CNTNAP2: variants seen among roughly 807,000 people sequenced by gnomAD.
The protein encoded by CNTNAP2 is contactin-associated protein-like 2.
In CNTNAP2, 98 loss-of-function variants were observed where a neutral mutation model predicts 155.2. The ratio of observed to expected loss-of-function variants is 0.63; its 90% CI spans 0.54 to 0.75. CNTNAP2 has a LOEUF of 0.75. CNTNAP2 is among the 30% of genes least tolerant of loss of function. The probability of loss-of-function intolerance (pLI) is 0.00; values close to 1 mark genes in which losing one functional copy is unlikely to be tolerated. For synonymous variants in CNTNAP2, 651 were observed against 631.2 expected, an observed-to-expected ratio of 1.03 and a Z score of -0.47; for missense variants, 1,727 against 1,688.1, an observed-to-expected ratio of 1.02 and a Z score of -0.40.
intron 9 of CNTNAP2, among the ~76,000 whole-genome samples, chr7:147,305,141 C>T (rs1385248532): frequency 6.6e-6 from 1 of 152,134 alleles, no homozygotes; most frequent in African/African-American, 2.4e-5. Flanking sequence ...GGGACACAAA[C>T]ATATAGTCTA....
At chr7:147,703,207 C>A (rs1244112768) in intron 13 of CNTNAP2, among the ~76,000 whole-genome samples, 1 of 152,062 alleles carries the variant, frequency 6.6e-6, no homozygotes, top group East Asian at 1.9e-4. Context: ...TCTTAATTCC[C>A]AGATCACTCT....
intron 13 of CNTNAP2, among the ~76,000 whole-genome samples, chr7:147,878,453 G>T (rs900384938): frequency 7.3e-5 from 10 of 136,576 alleles, no homozygotes; most frequent in Non-Finnish European, 9.4e-5. Context: ...CTTTTTTTTT[G>T]AGATGTCTTT....
At chr7:146,790,718 C>T (rs983895140) in intron 2 of CNTNAP2, among the ~76,000 whole-genome samples, 1 of 151,992 alleles carries the variant, frequency 6.6e-6, no homozygotes, top group Admixed American at 6.6e-5. Context: ...TACAGGCTCC[C>T]GCCACCACGC....
chr7:146,788,350 A>G (rs1221817701), intron 2 of CNTNAP2, among the ~76,000 whole-genome samples: 1 of 152,216 alleles, frequency 6.6e-6, no homozygotes, highest in Admixed American at 6.5e-5. Flanking sequence ...CTGCTAGCAC[A>G]TTGTCATTTC....
At chr7:147,678,048 T>C (rs953437663) in intron 13 of CNTNAP2, among the ~76,000 whole-genome samples, 2 of 151,856 alleles carry the variant, frequency 1.3e-5, no homozygotes, top group Non-Finnish European at 2.9e-5. Flanking sequence ...AATGCATATA[T>C]AATTATATGT....
intron 3 of CNTNAP2, among the ~76,000 whole-genome samples, chr7:147,028,705 A>T (rs1487043063): frequency 6.6e-6 from 1 of 152,206 alleles, no homozygotes; most frequent in Non-Finnish European, 1.5e-5. Context: ...TTATGCATAA[A>T]GCTACCAGGC....
At chr7:147,110,579 T>C (rs1232649353) in intron 5 of CNTNAP2, among the ~76,000 whole-genome samples, 1 of 152,172 alleles carries the variant, frequency 6.6e-6, no homozygotes, top group Non-Finnish European at 1.5e-5. Context: ...TATGTGTCCA[T>C]ATGTTCTCAT....
At chr7:148,294,694 G>A (rs551856938) in intron 21 of CNTNAP2, among the ~76,000 whole-genome samples, 3 of 152,186 alleles carry the variant, frequency 2.0e-5, no homozygotes, top group Admixed American at 2.0e-4. Flanking sequence ...CATTAAAGCA[G>A]CTAACTTCTC....
intron 3 of CNTNAP2, among the ~76,000 whole-genome samples, chr7:146,982,834 CAATTGA>C (rs2129237111): frequency 6.6e-6 from 1 of 152,168 alleles, no homozygotes; most frequent in Non-Finnish European, 1.5e-5. Flanking sequence ...GGATTAACAG[CAATTGA>C]AAATAAATGC....
chr7:147,229,039 CTT>C (rs1472761149), intron 8 of CNTNAP2, among the ~76,000 whole-genome samples: 2 of 137,868 alleles, frequency 1.5e-5, no homozygotes, highest in African/African-American at 5.4e-5. Context: ...GCCACATTTT[CTT>C]TATATATATA....
chr7:147,485,124 C>T (rs1798488306), intron 10 of CNTNAP2, among the ~76,000 whole-genome samples: 1 of 152,134 alleles, frequency 6.6e-6, no homozygotes, highest in Non-Finnish European at 1.5e-5. Flanking sequence ...TAAAGCTGTG[C>T]CCTGGAGGCT....
chr7:147,062,684 T>G (rs1799705778), intron 4 of CNTNAP2, among the ~76,000 whole-genome samples: 1 of 152,170 alleles, frequency 6.6e-6, no homozygotes, highest in African/African-American at 2.4e-5. Context: ...TAAGGATTTA[T>G]ACATATTAGC....
chr7:147,056,988 G>A (rs138496584), intron 4 of CNTNAP2, among the ~76,000 whole-genome samples: 224 of 150,242 alleles, frequency 1.5e-3, no homozygotes, highest in African/African-American at 5.2e-3. Flanking sequence ...TTTTTGGTTT[G>A]TTTGTTTGTT....
At chr7:146,275,505 G>C (rs1021028881) in intron 1 of CNTNAP2, among the ~76,000 whole-genome samples, 3 of 152,178 alleles carry the variant, frequency 2.0e-5, no homozygotes, top group African/African-American at 7.2e-5. Context: ...TGTATAAGAA[G>C]TTTGCTTCAG....
intron 1 of CNTNAP2, among the ~76,000 whole-genome samples, chr7:146,545,621 T>C (rs966049438): frequency 2.6e-5 from 4 of 151,898 alleles, no homozygotes; most frequent in African/African-American, 9.7e-5. Context: ...GTTAGTTTGC[T>C]GAGAATGATG....
chr7:147,942,033 G>A (rs906643547), intron 14 of CNTNAP2, among the ~76,000 whole-genome samples: 5 of 152,152 alleles, frequency 3.3e-5, no homozygotes, highest in Non-Finnish European at 7.3e-5. Context: ...TGGCTTTTAA[G>A]ACACGTTTAT....
intron 1 of CNTNAP2, among the ~76,000 whole-genome samples, chr7:146,711,714 GTA>G (rs966776789): frequency 4.9e-5 from 7 of 141,828 alleles, no homozygotes; most frequent in African/African-American, 1.7e-4. Flanking sequence ...TACATATATA[GTA>G]TACACATCTT....
At chr7:147,331,910 A>G (rs1376605815) in intron 9 of CNTNAP2, among the ~76,000 whole-genome samples, 1 of 152,100 alleles carries the variant, frequency 6.6e-6, no homozygotes, top group African/African-American at 2.4e-5. Flanking sequence ...GTATCTCAGA[A>G]AGTTCCCCTA....
intron 9 of CNTNAP2, among the ~76,000 whole-genome samples, chr7:147,362,612 T>A (rs181326821): frequency 6.6e-6 from 1 of 152,192 alleles, no homozygotes; most frequent in African/African-American, 2.4e-5. Context: ...CCTACAGGCA[T>A]ACTGACTGAA....
Sources: allele counts gnomAD v4.1 joint callset (sites outside exome capture counted in the v4.1 genomes callset), GRCh38; gene constraint gnomAD v4.1.1; transcripts MANE v1.5; gene names NCBI Gene and HGNC (gene_info 2026-07-23, HGNC 2026-07-21).